DNA2: variants seen among roughly 807,000 people sequenced by gnomAD.
DNA2 encodes DNA replication ATP-dependent helicase/nuclease DNA2.
DNA2 carries 101 observed loss-of-function variants against 119.1 expected under a neutral mutation model. The ratio of observed to expected loss-of-function variants is 0.85; its 90% CI spans 0.72 to 1.00. DNA2 has a LOEUF of 1.00. Among genes scored for constraint, DNA2 ranks in the 50% least tolerant of loss-of-function variants. The pLI, the probability that DNA2 is intolerant of heterozygous loss-of-function variation, is 0.00. For synonymous variants in DNA2, 366 were observed against 424.4 expected, an observed-to-expected ratio of 0.86 and a Z score of 1.69; for missense variants, 1,121 against 1,255.5, an observed-to-expected ratio of 0.89 and a Z score of 1.62.
chr10:68,444,396 AAAT>A (rs2052010194), intron 8 of DNA2, among the ~76,000 whole-genome samples: 1 of 151,178 alleles, frequency 6.6e-6, no homozygotes, highest in African/African-American at 2.4e-5. Context: ...TCAAAAAAAT[AAAT>A]AAATAAATAA....
rs778309817 is a variant in DNA2 at position 68,432,271 on chromosome 10, A to G, written c.1808T>C (p.Phe603Ser). Residue 603 changes from phenylalanine (F) to serine (S), a missense_variant, in exon 12 of 21, where the codon TTT (phenylalanine) becomes TCT (serine). By Grantham distance (155) the Phe-to-Ser change is radical. Coordinates refer to ENST00000358410, the MANE Select transcript of DNA2 (RefSeq NM_001080449.3). ...AAGAACAGAACTAAGGTAGGATATA[A>G]ACTGAGGTTCACGAAAGTCAATAAT... ...DLIIDFREPQ[F>S]ISYLSSVLPH... is the part of the protein sequence containing the mutation. 182 of 1,609,742 alleles carry G rather than the reference A, an allele frequency of 1.1e-4. No individual in the cohort carries two copies. Among genetic ancestry groups the G allele is most frequent in the Non-Finnish European group, 1.5e-4 (181 of 1,178,832 alleles).
chr10:68,423,601 A>G (rs537569430), intron 14 of DNA2, among the ~76,000 whole-genome samples: 26 of 152,250 alleles, frequency 1.7e-4, no homozygotes, highest in Non-Finnish European at 2.9e-4. Context: ...ACCAGCAAAC[A>G]GGGAGGAGGG....
chr10:68,417,407 A>T (rs2051605164), intron 19 of DNA2, among the ~76,000 whole-genome samples: 1 of 150,936 alleles, frequency 6.6e-6, no homozygotes, highest in Admixed American at 6.6e-5. Flanking sequence ...AAAAAAAAAA[A>T]AAAAACACTA....
chr10:68,452,877 C>A (rs1187254464), intron 5 of DNA2, among the ~76,000 whole-genome samples: 1 of 150,392 alleles, frequency 6.6e-6, no homozygotes, highest in East Asian at 1.9e-4. Context: ...AGCCACCATG[C>A]GCGGCCACTA....
chr10:68,457,841 C>T (rs771886618), intron 5 of DNA2, among the ~76,000 whole-genome samples: 1 of 151,202 alleles, frequency 6.6e-6, no homozygotes, highest in Non-Finnish European at 1.5e-5. Flanking sequence ...ACACATGACA[C>T]AGACTATATG....
At position 68,462,117 on chromosome 10, in the gene DNA2, T is replaced by C. The variant is rs913831817; in HGVS notation, c.588-2882A>G. On this transcript the variant is annotated intron_variant, in intron 4 of 20. Coordinates refer to ENST00000358410, the MANE Select transcript of DNA2 (RefSeq NM_001080449.3). ...TAGGTGCAGTGGCTCATACCTATAA[T>C]CCCAACACTTTGGGAAGCCAAGACG... 4.9e-4 allele frequency among the ~76,000 whole-genome samples: 74 copies of C among 152,190 alleles called. 1 individual carries two copies. The highest frequency in any genetic ancestry group is 3.7e-4 in the Non-Finnish European group (25 of 68,040).
At chr10:68,436,854 G>A (rs976241068) in intron 10 of DNA2, 157 bp downstream of exon 10, 2 of 596,252 alleles carry the variant, frequency 3.4e-6, no homozygotes, top group South Asian at 2.3e-5. Context: ...GTTTCTTTTT[G>A]GGGTGATGAA....
intron 2 of DNA2, among the ~76,000 whole-genome samples, chr10:68,469,466 C>G (rs1274451621): frequency 1.4e-5 from 2 of 146,822 alleles, no homozygotes; most frequent in Admixed American, 1.4e-4. Flanking sequence ...ACGTGATTTT[C>G]TTTTCTTTTT....
Position 68,471,797 on chromosome 10 carries a change from G to C in DNA2, c.68C>G (p.Ala23Gly), listed in dbSNP as rs200467869. Residue 23 changes from alanine to glycine, a missense_variant, in exon 1 of 21, where the codon GCG (alanine) becomes GGG (glycine). Physicochemically the swap from Ala to Gly is moderately conservative, Grantham distance 60. Transcript: ENST00000358410. ...KSFWEEAELP[A>G]ELFQKKVVAS... ...CTCCCCCCTCTCCGCTCACAGCTCCGCCGGCAGCTCCGCCTCCTCCCAAAA... is the reference window on the plus strand; with the variant it reads ...CTCCCCCCTCTCCGCTCACAGCTCCCCCGGCAGCTCCGCCTCCTCCCAAAA... 1 of 1,599,536 alleles carries C rather than the reference G, an allele frequency of 6.3e-7. No individual in the cohort carries two copies. The highest frequency in any genetic ancestry group is 1.3e-5 in the African/African-American group (1 of 74,430).
chr10:68,468,138 C>T lies in DNA2; in HGVS notation c.426G>A (p.Leu142=). Residue 142 remains leucine, a synonymous_variant, in exon 3 of 21, where the codon CTG becomes CTA. Coordinates refer to ENST00000358410, the MANE Select transcript of DNA2 (RefSeq NM_001080449.3). ...SSIRCMRRAV[L]SETFRSSDPA... is the part of the protein sequence containing the mutation. ...TATTATTTACCCTAAAAGTTTCACT[C>T]AGGACAGCTCTTCTCATACATCGAA... 1 of 1,582,626 alleles carries T rather than the reference C, an allele frequency of 6.3e-7. No individual in the cohort carries two copies. The highest frequency in any genetic ancestry group is 8.6e-7 in the Non-Finnish European group (1 of 1,165,752).
Position 68,471,844 on chromosome 10 carries a change from C to T in DNA2, c.21G>A (p.Leu7=), listed in dbSNP as rs1276179697. Residue 7 remains leucine (L), a synonymous_variant, in exon 1 of 21, where the codon CTG becomes CTA. Coordinates refer to ENST00000358410, the MANE Select transcript of DNA2 (RefSeq NM_001080449.3). ...AAAAACTCTTCTCCATCAGCAGCTC[C>T]AGTTCGTTCAGCTGCTCCATCCTGG... MEQLNE[L]ELLMEKSFWE... The T allele has an allele frequency of 6.2e-7, 1 of 1,613,694 alleles. No individual in the cohort carries two copies. Among genetic ancestry groups the T allele is most frequent in the Admixed American group, 1.7e-5 (1 of 59,938 alleles).
intron 9 of DNA2, among the ~76,000 whole-genome samples, chr10:68,437,527 G>A (rs946712993): frequency 2.6e-5 from 4 of 151,778 alleles, no homozygotes; most frequent in Middle Eastern, 3.2e-3. Context: ...GTGCTCGCCC[G>A]TAATCCCAGC....
At chr10:68,445,874 C>T (rs1204342598) in intron 7 of DNA2, among the ~76,000 whole-genome samples, 4 of 152,092 alleles carry the variant, frequency 2.6e-5, no homozygotes, top group Non-Finnish European at 5.9e-5. Flanking sequence ...TGCCTGTAAT[C>T]CCAGCACTTT....
rs2051561801 is a variant in DNA2 at position 68,414,358 on chromosome 10, T to C, written c.*681A>G. 6.6e-6 allele frequency: 1 copy of C among 152,154 alleles called. No homozygotes were observed. The highest frequency in any genetic ancestry group is 2.1e-4 in the South Asian group (1 of 4,838). 9.4% of individuals were successfully genotyped at this position (152,154 alleles called of 1,614,324 possible). A position where few individuals can be genotyped will look rare whatever the true frequency, so the allele number is the denominator to read the frequency against. Reference sequence around the variant, plus strand: ...TGATACCCCCAAACATAGGGGCATATGAACATATGTGAAAATAGGAATCAA... The same window carrying C: ...TGATACCCCCAAACATAGGGGCATACGAACATATGTGAAAATAGGAATCAA... On this transcript the variant is annotated 3_prime_UTR_variant, in exon 21 of 21. Coordinates refer to ENST00000358410, the MANE Select transcript of DNA2 (RefSeq NM_001080449.3).
chr10:68,443,268 T>A (rs2051995086), intron 8 of DNA2, among the ~76,000 whole-genome samples, 157 bp from the exon 9 acceptor site: 1 of 152,222 alleles, frequency 6.6e-6, no homozygotes, highest in Non-Finnish European at 1.5e-5. Flanking sequence ...ACATAAGCCA[T>A]ATGGCTTTTT....
chr10:68,471,795 C>G lies in DNA2; in HGVS notation c.70G>C (p.Glu24Gln). The change falls in exon 1 of 21, where the codon GAG becomes CAG. Residue 24 changes from glutamate (E) to glutamine (Q), a missense_variant. Transcript: ENST00000358410. ...CCCTCCCCCCTCTCCGCTCACAGCT[C>G]CGCCGGCAGCTCCGCCTCCTCCCAA... ...SFWEEAELPA[E>Q]LFQKKVVASF... is the part of the protein sequence containing the mutation. The G allele has an allele frequency of 6.3e-7, 1 of 1,599,478 alleles. No individual in the cohort carries two copies. Among genetic ancestry groups the G allele is most frequent in the Non-Finnish European group, 8.5e-7 (1 of 1,174,058 alleles).
chr10:68,427,689 T>C (rs1253622080), intron 14 of DNA2, among the ~76,000 whole-genome samples: 1 of 118,220 alleles, frequency 8.5e-6, no homozygotes, highest in Non-Finnish European at 1.8e-5. Flanking sequence ...ACATTTTAAC[T>C]GGGTAAATGC....
At position 68,430,500 on chromosome 10, in the gene DNA2, T is replaced by G; in HGVS notation, c.2144A>C (p.Gln715Pro). 2 of 1,612,252 alleles carry G rather than the reference T, an allele frequency of 1.2e-6. No individual in the cohort carries two copies. The highest frequency in any genetic ancestry group is 1.7e-6 in the Non-Finnish European group (2 of 1,179,148). The change falls in exon 14 of 21, where the codon CAA becomes CCA. Residue 715 changes from glutamine to proline, a missense_variant. Physicochemically the swap from Gln to Pro is moderately conservative, Grantham distance 76 (BLOSUM62 -1). Coordinates refer to ENST00000358410, the MANE Select transcript of DNA2 (RefSeq NM_001080449.3). ...AATGGACTTTGATCTGCAAATTTCTTGCTCTGTAAATTGCTGGATAGCTGG... is the reference window on the plus strand; with the variant it reads ...AATGGACTTTGATCTGCAAATTTCTGGCTCTGTAAATTGCTGGATAGCTGG... Reference protein sequence around the residue: ...VHPAIQQFTEQEICRSKSIKS... With the variant: ...VHPAIQQFTEPEICRSKSIKS...
chr10:68,468,015 C>T, intron 3 of DNA2, 108 bp downstream of exon 3: 1 of 839,932 alleles, frequency 1.2e-6, no homozygotes, highest in Non-Finnish European at 1.7e-6. Flanking sequence ...CTAATTAATA[C>T]CATTTATTTT....
Sources: allele counts gnomAD v4.1 joint callset (sites outside exome capture counted in the v4.1 genomes callset), GRCh38; gene constraint gnomAD v4.1.1; transcripts MANE v1.5; gene names NCBI Gene and HGNC (gene_info 2026-07-23, HGNC 2026-07-21).